ERBB4: variants seen among roughly 807,000 people sequenced by gnomAD.
The protein encoded by ERBB4 is erb-b2 receptor tyrosine kinase 4.
ERBB4 carries 42 observed loss-of-function variants against 158.0 expected under a neutral mutation model. The observed-to-expected ratio is 0.27, with a 90% CI of 0.21 to 0.34. The LOEUF (loss-of-function observed/expected upper bound fraction) is 0.34, where lower values mean the gene tolerates loss of function less well. Ranked by LOEUF, ERBB4 falls within the 10% of genes least tolerant of loss-of-function variation. ERBB4 has a pLI of 1.00. For missense variants in ERBB4, 1,333 were observed against 1,624.1 expected (o/e 0.82, Z 3.08); for synonymous variants, 583 against 558.7 (o/e 1.04, Z -0.61).
intron 21 of ERBB4, among the ~76,000 whole-genome samples, chr2:211,430,513 T>C (rs1189063994): frequency 6.6e-6 from 1 of 152,186 alleles, no homozygotes; most frequent in Non-Finnish European, 1.5e-5. Flanking sequence ...TTGTAGTACC[T>C]AAACTTTTCT....
intron 2 of ERBB4, among the ~76,000 whole-genome samples, chr2:212,094,385 TG>T (rs2078868200): frequency 1.2e-5 from 1 of 86,672 alleles, no homozygotes; most frequent in Admixed American, 1.3e-4. Flanking sequence ...CTTAACAGTA[TG>T]AAATTAATAG....
intron 2 of ERBB4, among the ~76,000 whole-genome samples, chr2:212,018,273 T>G (rs1305299531): frequency 3.3e-5 from 5 of 152,200 alleles, no homozygotes; most frequent in African/African-American, 1.2e-4. Context: ...TTCTCTCACC[T>G]TTAGGTTTAA....
intron 5 of ERBB4, among the ~76,000 whole-genome samples, chr2:211,738,485 C>T (rs2074682830): frequency 6.6e-6 from 1 of 151,392 alleles, no homozygotes; most frequent in East Asian, 2.0e-4. Flanking sequence ...TCTCCTGCCT[C>T]AGCCTCTTGA....
intron 1 of ERBB4, among the ~76,000 whole-genome samples, chr2:212,396,969 C>A (rs565895955): frequency 6.6e-6 from 1 of 151,964 alleles, no homozygotes. Context: ...TTTCAAAGAA[C>A]AATAAATGTA....
intron 2 of ERBB4, among the ~76,000 whole-genome samples, chr2:212,018,438 T>C (rs939851744): frequency 6.6e-5 from 10 of 152,052 alleles, no homozygotes; most frequent in Non-Finnish European, 1.5e-4. Context: ...GATTCTAGAG[T>C]GAGAAAATAT....
At chr2:211,561,483 T>C (rs1474870825) in intron 20 of ERBB4, among the ~76,000 whole-genome samples, 1 of 152,230 alleles carries the variant, frequency 6.6e-6, no homozygotes, top group Non-Finnish European at 1.5e-5. Flanking sequence ...ATTTAGACTT[T>C]GCTCATTTGT....
intron 20 of ERBB4, among the ~76,000 whole-genome samples, chr2:211,449,681 G>A (rs1264698220): frequency 6.6e-6 from 1 of 152,086 alleles, no homozygotes; most frequent in Non-Finnish European, 1.5e-5. Context: ...ATAAAGTTGA[G>A]TTTAATAAAA....
chr2:212,054,417 G>A (rs1244305584), intron 2 of ERBB4, among the ~76,000 whole-genome samples: 1 of 152,162 alleles, frequency 6.6e-6, no homozygotes, highest in African/African-American at 2.4e-5. Context: ...CTGGAAAGGA[G>A]AAGAATGCTT....
intron 1 of ERBB4, among the ~76,000 whole-genome samples, chr2:212,125,936 G>A (rs1270674162): frequency 1.3e-5 from 2 of 152,172 alleles, no homozygotes; most frequent in Non-Finnish European, 2.9e-5. Context: ...TATATACCCA[G>A]TAATGGGATT....
chr2:211,447,169 A>G (rs1456731233), intron 20 of ERBB4, among the ~76,000 whole-genome samples: 1 of 152,182 alleles, frequency 6.6e-6, no homozygotes, highest in East Asian at 1.9e-4. Flanking sequence ...TGTTTGGCAA[A>G]GTTGGACTAC....
In ERBB4 at chr2:211,646,302, GAATT is replaced by G. The variant is rs977485036; in HGVS notation, c.1946+11448_1946+11451del. Among the ~76,000 whole-genome samples the G allele has an allele frequency of 1.2e-3, 182 of 151,202 alleles. 1 individual carries two copies. The highest frequency in any genetic ancestry group is 4.2e-3 in the African/African-American group (173 of 41,394). The stretch of plus-strand genomic sequence containing the variant: ...TTTATTAAAAATATATTTTAAAAAA[GAATT>G]AATCTTAAAAAACAGAAAGAGGGAA... On this transcript the variant is annotated intron_variant, in intron 16 of 27. Transcript: ENST00000342788.
At chr2:211,444,064 A>G (rs1029653090) in intron 20 of ERBB4, among the ~76,000 whole-genome samples, 2 of 151,994 alleles carry the variant, frequency 1.3e-5, no homozygotes, top group African/African-American at 2.4e-5. Context: ...CTTTCCTATA[A>G]TGGTTTAATT....
chr2:211,545,407 T>C (rs896498467), intron 20 of ERBB4, among the ~76,000 whole-genome samples: 5 of 152,056 alleles, frequency 3.3e-5, no homozygotes, highest in African/African-American at 1.2e-4. Context: ...AGCACAAGAC[T>C]ATTATTTTAT....
chr2:211,811,889 C>A (rs964369286), intron 3 of ERBB4, among the ~76,000 whole-genome samples: 7 of 140,402 alleles, frequency 5.0e-5, no homozygotes, highest in African/African-American at 1.7e-4. Context: ...GTCTTCTCTA[C>A]ACTGTTTATT....
At chr2:212,408,815 C>T (rs1164870476) in intron 1 of ERBB4, among the ~76,000 whole-genome samples, 1 of 152,150 alleles carries the variant, frequency 6.6e-6, no homozygotes, top group Non-Finnish European at 1.5e-5. Context: ...TTTTACTAAA[C>T]TTTCCCTAAA....
At chr2:212,025,530 C>A (rs940776621) in intron 2 of ERBB4, among the ~76,000 whole-genome samples, 3 of 151,724 alleles carry the variant, frequency 2.0e-5, no homozygotes, top group African/African-American at 7.2e-5. Flanking sequence ...CCCATTACAC[C>A]ACTAGAAAGT....
chr2:212,020,826 C>T (rs925478264), intron 2 of ERBB4, among the ~76,000 whole-genome samples: 3 of 152,048 alleles, frequency 2.0e-5, no homozygotes, highest in African/African-American at 7.2e-5. Flanking sequence ...TTCAAGTTTC[C>T]ATTTTGGTGC....
intron 2 of ERBB4, among the ~76,000 whole-genome samples, chr2:212,053,779 C>G (rs1195573998): frequency 6.6e-6 from 1 of 152,172 alleles, no homozygotes; most frequent in Admixed American, 6.5e-5. Context: ...ACTCTGGTAT[C>G]TTCTTTATCT....
chr2:211,727,785 A>G (rs1362855177), intron 5 of ERBB4, among the ~76,000 whole-genome samples: 2 of 152,066 alleles, frequency 1.3e-5, no homozygotes, highest in African/African-American at 4.8e-5. Context: ...TTCTCTATGT[A>G]GTACAACCAA....
Sources: gnomAD v4.1 joint callset for allele counts (sites outside exome capture counted in the v4.1 genomes callset) on GRCh38, gnomAD v4.1.1 for gene constraint, MANE v1.5 for transcripts, NCBI Gene and HGNC (gene_info 2026-07-23, HGNC 2026-07-21) for gene names.